The following ZC3H7A variants were observed in gnomAD, a reference collection of about 807,000 sequenced individuals.
ZC3H7A encodes the protein zinc finger CCCH domain-containing protein 7A.
ZC3H7A carries 44 observed loss-of-function variants against 125.5 expected under a neutral mutation model. The ratio of observed to expected loss-of-function variants is 0.35; its 90% CI spans 0.28 to 0.45. The LOEUF is 0.45. Among genes scored for constraint, ZC3H7A ranks in the 20% least tolerant of loss-of-function variants. The probability of loss-of-function intolerance (pLI) is 1.00; values close to 1 mark genes in which losing one functional copy is unlikely to be tolerated. For synonymous variants in ZC3H7A, 399 were observed against 391.2 expected, an observed-to-expected ratio of 1.02 and a Z score of -0.23; for missense variants, 977 against 1,170.7, an observed-to-expected ratio of 0.83 and a Z score of 2.41.
chr16:11,751,514 G>C lies in ZC3H7A; in HGVS notation c.2727-8C>G. The C allele has an allele frequency of 1.2e-6, 2 of 1,610,196 alleles. No individual in the cohort carries two copies. The highest frequency in any genetic ancestry group is 1.7e-6 in the Non-Finnish European group (2 of 1,178,682). ...CAGGTGCCATTCATATACCTGTAAGGAGAAGTCAGCTGCTCAGTGTCCATA... is the reference window on the plus strand; with the variant it reads ...CAGGTGCCATTCATATACCTGTAAGCAGAAGTCAGCTGCTCAGTGTCCATA... On this transcript the variant is annotated splice_polypyrimidine_tract_variant and splice_region_variant and intron_variant, in intron 22 of 22. Transcript: ENST00000355758.
At chr16:11,783,943 T>C (rs1420175811) in intron 1 of ZC3H7A, among the ~76,000 whole-genome samples, 2 of 150,552 alleles carry the variant, frequency 1.3e-5, no homozygotes, top group South Asian at 2.1e-4. Flanking sequence ...GGATATGACA[T>C]AGGGGACTTG....
chr16:11,796,543 G>C (rs2053440000), intron 1 of ZC3H7A: 1 of 152,778 alleles, frequency 6.5e-6, no homozygotes, highest in South Asian at 2.1e-4. Flanking sequence ...GGCCTGACCG[G>C]AAGCCCCGCT....
chr16:11,766,128 T>C (rs980753776), intron 13 of ZC3H7A, among the ~76,000 whole-genome samples: 2 of 152,102 alleles, frequency 1.3e-5, no homozygotes, highest in Non-Finnish European at 2.9e-5. Flanking sequence ...AGGGACATTC[T>C]AAGCTCATTC....
intron 7 of ZC3H7A, among the ~76,000 whole-genome samples, chr16:11,776,098 T>C (rs1299050915): frequency 6.6e-6 from 1 of 151,788 alleles, no homozygotes; most frequent in Non-Finnish European, 1.5e-5. Context: ...GAGGTGGAGG[T>C]TGCAGTGAGC....
At chr16:11,752,184 G>A (rs1394997765) in intron 22 of ZC3H7A, among the ~76,000 whole-genome samples, 1 of 152,148 alleles carries the variant, frequency 6.6e-6, no homozygotes, top group Non-Finnish European at 1.5e-5. Context: ...GGGATTACAG[G>A]CGTAGCCACC....
At chr16:11,789,654 C>CA (rs1346827995) in intron 1 of ZC3H7A, among the ~76,000 whole-genome samples, 1 of 152,188 alleles carries the variant, frequency 6.6e-6, no homozygotes, top group Non-Finnish European at 1.5e-5. Flanking sequence ...TCAAAACACA[C>CA]AGCGTTCCAT....
chr16:11,777,059 A>G, intron 4 of ZC3H7A, 150 bp from the exon 5 acceptor site: 2 of 604,176 alleles, frequency 3.3e-6, no homozygotes, highest in Admixed American at 3.8e-5. Flanking sequence ...TTTTTAAATT[A>G]TTTTATGAAA....
Position 11,776,760 on chromosome 16 carries a change from T to C in ZC3H7A, c.456A>G (p.Ala152=). 6.2e-7 allele frequency: 1 copy of C among 1,606,388 alleles called. No homozygotes were observed. Among genetic ancestry groups the C allele is most frequent in the Non-Finnish European group, 8.5e-7 (1 of 1,177,818 alleles). Residue 152 remains alanine, a synonymous_variant, in exon 5 of 23, where the codon GCA becomes GCG. Coordinates refer to ENST00000355758, the MANE Select transcript of ZC3H7A (RefSeq NM_014153.4). ...AYDAVAKCSL[A]VPQDEHVIKL... ...ACTATAAATTCCATACCTGAGGCACTGCTAAGGAGCACTTTGCTACAGCAT... is the reference window on the plus strand; with the variant it reads ...ACTATAAATTCCATACCTGAGGCACCGCTAAGGAGCACTTTGCTACAGCAT...
intron 4 of ZC3H7A, 123 bp downstream of exon 4, chr16:11,779,043 C>A (rs1183423555): frequency 3.7e-5 from 32 of 854,262 alleles, no homozygotes; most frequent in Middle Eastern, 3.7e-4. Context: ...AGCCTCAAGC[C>A]ACTCCAAAAG....
chr16:11,782,520 C>T (rs1226641487), intron 1 of ZC3H7A, 132 bp from the exon 2 acceptor site: 16 of 736,534 alleles, frequency 2.2e-5, no homozygotes, highest in South Asian at 1.5e-4. Flanking sequence ...CTCCAGGGTC[C>T]TGGACGGCAG....
At chr16:11,773,545 C>A (rs762824480) in intron 9 of ZC3H7A, among the ~76,000 whole-genome samples, 1 of 151,826 alleles carries the variant, frequency 6.6e-6, no homozygotes, top group African/African-American at 2.4e-5. Context: ...TTGGCTGAAC[C>A]CCGCTTTAAA....
intron 1 of ZC3H7A, among the ~76,000 whole-genome samples, chr16:11,788,376 C>A (rs1195707819): frequency 6.6e-6 from 1 of 152,200 alleles, no homozygotes; most frequent in African/African-American, 2.4e-5. Flanking sequence ...GGCCCCATGA[C>A]AACTCTCACG....
chr16:11,785,104 G>A (rs1373374169), intron 1 of ZC3H7A, among the ~76,000 whole-genome samples: 1 of 152,172 alleles, frequency 6.6e-6, no homozygotes, highest in Non-Finnish European at 1.5e-5. Flanking sequence ...GTTGCAGTGA[G>A]CCGAGATGGT....
At chr16:11,782,596 A>G in intron 1 of ZC3H7A, 1 of 307,172 alleles carries the variant, frequency 3.3e-6, no homozygotes, top group Admixed American at 4.8e-5. Flanking sequence ...CACCGTTTTC[A>G]TATTCTTTTT....
chr16:11,762,931 G>C, intron 16 of ZC3H7A, 184 bp from the exon 17 acceptor site: 1 of 525,584 alleles, frequency 1.9e-6, no homozygotes, highest in Non-Finnish European at 3.3e-6. Flanking sequence ...ACAGCTCTTT[G>C]TGCCTTCTGA....
At chr16:11,760,198 A>G (rs1271644961) in intron 19 of ZC3H7A, among the ~76,000 whole-genome samples, 1 of 152,112 alleles carries the variant, frequency 6.6e-6, no homozygotes, top group African/African-American at 2.4e-5. Flanking sequence ...AAAAGAGGAA[A>G]TAAGCTACTG....
chr16:11,786,951 T>C (rs1024704977), intron 1 of ZC3H7A, among the ~76,000 whole-genome samples: 2 of 152,096 alleles, frequency 1.3e-5, no homozygotes, highest in African/African-American at 4.8e-5. Context: ...CACAATTAAG[T>C]AGAGATCAAT....
rs114439705 is a variant in ZC3H7A, at chr16:11,758,563, A to T, written c.2320-24T>A. ...AGCTGTATAAAAAAATAGGAATATGATTAAGACAAAGTACACCTAGTAAAA... is the reference window on the plus strand; with the variant it reads ...AGCTGTATAAAAAAATAGGAATATGTTTAAGACAAAGTACACCTAGTAAAA... On this transcript the variant is annotated intron_variant, in intron 19 of 22. Coordinates refer to ENST00000355758, the MANE Select transcript of ZC3H7A (RefSeq NM_014153.4). 1,158 of 1,571,366 alleles carry T rather than the reference A, an allele frequency of 7.4e-4. 13 individuals are homozygous for T. In the African/African-American group the frequency reaches 0.014, roughly 19 times the overall value.
intron 1 of ZC3H7A, among the ~76,000 whole-genome samples, chr16:11,790,337 G>A (rs2053328879): frequency 6.6e-6 from 1 of 152,122 alleles, no homozygotes; most frequent in African/African-American, 2.4e-5. Context: ...TCAAATTTAA[G>A]AATCATCTGT....
Sources: allele counts gnomAD v4.1 joint callset (sites outside exome capture counted in the v4.1 genomes callset), GRCh38; gene constraint gnomAD v4.1.1; transcripts MANE v1.5; gene names NCBI Gene and HGNC (gene_info 2026-07-23, HGNC 2026-07-21).